Variants in NCOR2 observed in about 807,000 individuals in gnomAD.
NCOR2 encodes CTG repeat protein 26.
Under a neutral mutation model 262.9 loss-of-function variants are expected in NCOR2, and 81 were observed. The ratio of observed to expected loss-of-function variants is 0.31; its 90% CI spans 0.26 to 0.37. NCOR2 has a LOEUF of 0.37. Ranked by LOEUF, NCOR2 falls within the 10% of genes least tolerant of loss-of-function variation. The pLI, the probability that NCOR2 is intolerant of heterozygous loss-of-function variation, is 1.00. For synonymous variants in NCOR2, 1,659 were observed against 1,559.3 expected (o/e 1.06, Z -1.51); for missense variants, 3,385 against 3,621.4 (o/e 0.93, Z 1.68).
exon 33 of NCOR2, chr12:124,343,055 G>C (rs1478620488): frequency 6.2e-7 from 1 of 1,612,478 alleles, no homozygotes; most frequent in Admixed American, 1.7e-5. Context: ...GAAGGCCAGG[G>C]GGATGTGGCT....
In NCOR2 at chr12:124,504,710, G is replaced by GT. The variant is rs1357766460; in HGVS notation, c.-117-9343dup. ...TGGACTACGATTCAGCCACGCAAAG[G>GT]TAAGCGCTGACTCAGCCACAACGCA... On this transcript the variant is annotated intron_variant, in intron 1 of 46. Transcript: ENST00000404621. This position sits in a 1 kb window ranked among gnomAD's most constrained non-coding sequence, Gnocchi z 4.5. Among the ~76,000 whole-genome samples the GT allele has an allele frequency of 1.3e-5, 2 of 152,234 alleles. No individual in the cohort carries two copies. The highest frequency in any genetic ancestry group is 4.8e-5 in the African/African-American group (2 of 41,456).
chr12:124,499,289 C>T (rs564939562), upstream of NCOR2, among the ~76,000 whole-genome samples: 15 of 152,018 alleles, frequency 9.9e-5, no homozygotes, highest in Admixed American at 1.3e-4. Flanking sequence ...CCCATGTCGC[C>T]GCTGCGTCTG....
chr12:124,541,623 G>A (rs1345967035), intron 1 of NCOR2, among the ~76,000 whole-genome samples: 1 of 12,314 alleles, frequency 8.1e-5, no homozygotes, highest in South Asian at 1.6e-3. Flanking sequence ...TGGAGATGGT[G>A]GGGGGGTGGG....
At chr12:124,537,767 G>A (rs559159276), upstream of NCOR2, 1 of 152,116 alleles carries the variant, frequency 6.6e-6, no homozygotes, top group South Asian at 2.1e-4. Flanking sequence ...AGGCCCTCAG[G>A]CCCCAAGGAG....
chr12:124,472,681 T>C (rs1388711781), intron 4 of NCOR2, among the ~76,000 whole-genome samples: 1 of 152,194 alleles, frequency 6.6e-6, no homozygotes, highest in Admixed American at 6.5e-5. Flanking sequence ...AATACGTATA[T>C]TAAATAAAAA....
chr12:124,395,906 G>A (rs1187886057), intron 16 of NCOR2, among the ~76,000 whole-genome samples: 1 of 152,148 alleles, frequency 6.6e-6, no homozygotes, highest in African/African-American at 2.4e-5. Context: ...TTACACAAAT[G>A]CTCACAGCAG....
intron 1 of NCOR2, among the ~76,000 whole-genome samples, chr12:124,508,823 C>T (rs1190269861): frequency 6.6e-6 from 1 of 152,208 alleles, no homozygotes; most frequent in Non-Finnish European, 1.5e-5. Flanking sequence ...TGACCTGTGG[C>T]TTATGACGTG....
intron 1 of NCOR2, among the ~76,000 whole-genome samples, chr12:124,518,752 G>C (rs938077320): frequency 2.6e-5 from 4 of 152,190 alleles, no homozygotes; most frequent in African/African-American, 9.7e-5. Flanking sequence ...TCGGCTCTTC[G>C]CTCGCTGGCA....
chr12:124,471,197 C>G (rs1484272333), intron 4 of NCOR2, among the ~76,000 whole-genome samples: 2 of 152,234 alleles, frequency 1.3e-5, no homozygotes, highest in African/African-American at 4.8e-5. Context: ...AATCAATGCT[C>G]TCCCCCTGGA....
At chr12:124,336,977 G>A in exon 38 of NCOR2, 5 of 1,518,748 alleles carry the variant, frequency 3.3e-6, no homozygotes, top group Non-Finnish European at 4.4e-6. Flanking sequence ...CTCCAGCCCG[G>A]AGCGGGCTGG....
chr12:124,558,309 C>T (rs531153728), intron 1 of NCOR2, among the ~76,000 whole-genome samples: 4 of 151,256 alleles, frequency 2.6e-5, no homozygotes, highest in Non-Finnish European at 4.4e-5. Context: ...AGCCCCACCA[C>T]AGAATTGTGG....
intron 46 of NCOR2, 153 bp downstream of exon 48, chr12:124,326,038 C>T: frequency 1.2e-6 from 1 of 825,094 alleles, no homozygotes; most frequent in African/African-American, 1.8e-5. Flanking sequence ...GAGCCAGGCT[C>T]AGCTGCCCAG....
At chr12:124,337,729 T>C (rs990948308) in intron 37 of NCOR2, among the ~76,000 whole-genome samples, 1 of 151,798 alleles carries the variant, frequency 6.6e-6, no homozygotes, top group East Asian at 1.9e-4. Context: ...AGGGTGGGCG[T>C]TGAGAACAGA....
chr12:124,524,291 C>G (rs1298679510), intron 1 of NCOR2, among the ~76,000 whole-genome samples: 7 of 152,228 alleles, frequency 4.6e-5, no homozygotes, highest in African/African-American at 7.2e-5. Context: ...AATCCCCACT[C>G]CTCCCCTTTG....
chr12:124,390,405 C>A (rs2041209921), intron 16 of NCOR2, among the ~76,000 whole-genome samples: 1 of 152,268 alleles, frequency 6.6e-6, no homozygotes, highest in East Asian at 1.9e-4. Flanking sequence ...ACAGATGTGC[C>A]TTGTCTTCCC....
At chr12:124,459,659 G>T (rs1314773613) in intron 5 of NCOR2, among the ~76,000 whole-genome samples, 1 of 152,198 alleles carries the variant, frequency 6.6e-6, no homozygotes, top group African/African-American at 2.4e-5. Context: ...AGGGAGCAAA[G>T]TGAAGTGCAT....
At chr12:124,336,544 C>A (rs1231400094) in intron 38 of NCOR2, 1 of 950,538 alleles carries the variant, frequency 1.1e-6, no homozygotes, top group African/African-American at 1.8e-5. Flanking sequence ...AATACCAAAA[C>A]CAACAACAAA....
chr12:124,439,082 A>AGAG (rs1565945247), intron 7 of NCOR2, among the ~76,000 whole-genome samples: 6 of 12,592 alleles, frequency 4.8e-4, no homozygotes, highest in African/African-American at 1.1e-3. Context: ...CAGAGAGAGA[A>AGAG]ACAGAGACCC....
At chr12:124,357,540 T>C (rs1593192879) in intron 22 of NCOR2, among the ~76,000 whole-genome samples, 1 of 152,242 alleles carries the variant, frequency 6.6e-6, no homozygotes, top group East Asian at 1.9e-4. Context: ...CAAGAGATCC[T>C]CCCACCTTGG....
Sources: allele counts gnomAD v4.1 joint callset (sites outside exome capture counted in the v4.1 genomes callset), GRCh38; gene constraint gnomAD v4.1.1; non-coding constraint Gnocchi (gnomAD v3.1); transcripts MANE v1.5; gene names NCBI Gene and HGNC (gene_info 2026-07-23, HGNC 2026-07-21).